CALCR: variants seen among roughly 807,000 people sequenced by gnomAD.
CALCR encodes calcitonin receptor.
In CALCR, 47 loss-of-function variants were observed where a neutral mutation model predicts 59.5. That is an observed-to-expected ratio of 0.79 (90% confidence interval 0.63 to 1.01). The LOEUF (loss-of-function observed/expected upper bound fraction) is 1.01. Ranked by LOEUF, CALCR falls within the 50% of genes least tolerant of loss-of-function variation. The pLI, the probability that CALCR is intolerant of heterozygous loss-of-function variation, is 0.00. For synonymous variants in CALCR, 213 were observed against 211.3 expected (o/e 1.01, Z -0.07); for missense variants, 566 against 597.1 (o/e 0.95, Z 0.54).
rs755193948 is a variant in CALCR at position 93,477,596 on chromosome 7, T to C, written c.278A>G (p.Gln93Arg). Residue 93 changes from glutamine to arginine, a missense_variant, in exon 5 of 14, where the codon CAG (glutamine) becomes CGG (arginine). By Grantham distance (43) the Gln-to-Arg change is conservative. Transcript: ENST00000426151. ...ATCCGGAAAATAATCTGGGCAGAAC[T>C]GATAGGACAATACTCCAGCCGGTGT... ...DDTPAGVLSY[Q>R]FCPDYFPDFD... 6 of 1,611,400 alleles carry C rather than the reference T, an allele frequency of 3.7e-6. No homozygotes were observed. The South Asian group carries it at 5.5e-5, about 15-fold the overall frequency.
At chr7:93,566,529 G>A (rs983193981) in intron 2 of CALCR, among the ~76,000 whole-genome samples, 7 of 152,086 alleles carry the variant, frequency 4.6e-5, no homozygotes, top group African/African-American at 9.7e-5. Flanking sequence ...ATAAAGAAAC[G>A]TCTAAGTCGC....
At chr7:93,484,550 G>GT (rs1377287414) in intron 3 of CALCR, among the ~76,000 whole-genome samples, 1 of 151,760 alleles carries the variant, frequency 6.6e-6, no homozygotes, top group Admixed American at 6.6e-5. Flanking sequence ...TTGCTTTTCA[G>GT]TTACTTACAC....
intron 2 of CALCR, among the ~76,000 whole-genome samples, chr7:93,489,022 T>A (rs983383000): frequency 1.3e-5 from 2 of 151,490 alleles, no homozygotes; most frequent in Non-Finnish European, 3.0e-5. Context: ...AAGTAAAACA[T>A]TCCTCAGCAA....
At chr7:93,448,198 A>G (rs1284709093) in intron 8 of CALCR, among the ~76,000 whole-genome samples, 1 of 152,020 alleles carries the variant, frequency 6.6e-6, no homozygotes, top group Non-Finnish European at 1.5e-5. Context: ...TCACACACAC[A>G]CACAAAAAAC....
chr7:93,435,990 T>A lies in CALCR; in HGVS notation c.1111A>T (p.Ile371Leu). The change falls in exon 12 of 14, where the codon ATA becomes TTA. Residue 371 changes from isoleucine to leucine, a missense_variant. Ile to Leu is a conservative substitution (Grantham distance 5). Transcript: ENST00000426151. ...WRPSNKMLGK[I>L]YDYVMHSLIH... ...AGAGAGTGCATCACGTAATCATATA[T>A]CTTCCCAAGCATCTTGTTGGAAGGT... The A allele has an allele frequency of 6.2e-7, 1 of 1,613,370 alleles. No individual in the cohort carries two copies. The highest frequency in any genetic ancestry group is 8.5e-7 in the Non-Finnish European group (1 of 1,179,386).
At position 93,460,744 on chromosome 7, in the gene CALCR, C is replaced by T. The variant is rs1189887358; in HGVS notation, c.648+77G>A. ...CATGTAAACAGCTGCTTAAGTCCAACATGAACACCATGTTCACTATTTACA... is the reference window on the plus strand; with the variant it reads ...CATGTAAACAGCTGCTTAAGTCCAATATGAACACCATGTTCACTATTTACA... On this transcript the variant is annotated intron_variant, in intron 8 of 13. Coordinates refer to ENST00000426151, the MANE Select transcript of CALCR (RefSeq NM_001742.4). 5.4e-6 allele frequency: 6 copies of T among 1,113,534 alleles called. No individual in the cohort carries two copies. In the African/African-American group the frequency reaches 9.9e-5, roughly 18 times the overall value. 69.0% of individuals were successfully genotyped at this position (1,113,534 alleles called of 1,614,324 possible).
chr7:93,502,745 C>T (rs1178813557), intron 2 of CALCR, among the ~76,000 whole-genome samples: 5 of 151,976 alleles, frequency 3.3e-5, no homozygotes, highest in Non-Finnish European at 7.4e-5. Context: ...CACACCGATA[C>T]TAATGGAATA....
At chr7:93,545,384 T>C (rs1461395176) in intron 2 of CALCR, among the ~76,000 whole-genome samples, 2 of 152,160 alleles carry the variant, frequency 1.3e-5, no homozygotes, top group Non-Finnish European at 2.9e-5. Context: ...TGCCTCTAGA[T>C]AGACAGGCTC....
At chr7:93,529,322 T>C (rs888471378) in intron 2 of CALCR, among the ~76,000 whole-genome samples, 1 of 152,100 alleles carries the variant, frequency 6.6e-6, no homozygotes, top group East Asian at 1.9e-4. Context: ...CCGTGTAAGA[T>C]ACCTGCACCC....
At position 93,504,456 on chromosome 7, in the gene CALCR, T is replaced by C. The variant is rs1469150359; in HGVS notation, c.-26-17449A>G. 2.6e-5 allele frequency among the ~76,000 whole-genome samples: 4 copies of C among 152,312 alleles called. No individual in the cohort carries two copies. In the East Asian group the frequency reaches 5.8e-4, roughly 22 times the overall value. On this transcript the variant is annotated intron_variant, in intron 2 of 13. Transcript: ENST00000426151. Reference sequence around the variant, plus strand: ...GTGCTCAATGAATTCTGGTAGAAATTCTTTAACCATGTATTATTTCCTCTG... The same window carrying C: ...GTGCTCAATGAATTCTGGTAGAAATCCTTTAACCATGTATTATTTCCTCTG...
At chr7:93,458,994 A>C (rs1800263783) in intron 8 of CALCR, among the ~76,000 whole-genome samples, 1 of 152,226 alleles carries the variant, frequency 6.6e-6, no homozygotes, top group Non-Finnish European at 1.5e-5. Flanking sequence ...AAAATTAAGG[A>C]AAGCAGGTTT....
intron 6 of CALCR, among the ~76,000 whole-genome samples, chr7:93,469,074 C>T (rs1420612945): frequency 6.6e-6 from 1 of 151,710 alleles, no homozygotes; most frequent in Non-Finnish European, 1.5e-5. Context: ...GCTTTAAATG[C>T]ATTAAAAATT....
At chr7:93,530,021 G>T (rs1048541756) in intron 2 of CALCR, among the ~76,000 whole-genome samples, 7 of 151,930 alleles carry the variant, frequency 4.6e-5, no homozygotes, top group Non-Finnish European at 1.0e-4. Flanking sequence ...GATCTCTCAG[G>T]TAAATTGGTT....
At chr7:93,552,166 T>C (rs778617099) in intron 2 of CALCR, among the ~76,000 whole-genome samples, 11 of 152,188 alleles carry the variant, frequency 7.2e-5, no homozygotes, top group Non-Finnish European at 1.2e-4. Flanking sequence ...TTGGGCATTG[T>C]TCATTAGCCC....
intron 2 of CALCR, among the ~76,000 whole-genome samples, chr7:93,504,868 G>A (rs942724063): frequency 3.9e-5 from 6 of 152,010 alleles, no homozygotes; most frequent in Non-Finnish European, 4.4e-5. Context: ...TAAAGCAGAC[G>A]CACCCATACA....
chr7:93,516,583 A>T (rs930735824), intron 2 of CALCR, among the ~76,000 whole-genome samples: 1 of 151,864 alleles, frequency 6.6e-6, no homozygotes, highest in Non-Finnish European at 1.5e-5. Context: ...TAGAATAAAA[A>T]ACAAACAAAA....
intron 3 of CALCR, among the ~76,000 whole-genome samples, chr7:93,483,740 A>G (rs1268056540): frequency 1.3e-5 from 2 of 151,696 alleles, no homozygotes; most frequent in African/African-American, 2.4e-5. Flanking sequence ...CCTACTTATT[A>G]TAAGTGTTAT....
intron 6 of CALCR, among the ~76,000 whole-genome samples, chr7:93,471,315 C>G (rs1302900869): frequency 1.3e-5 from 2 of 151,734 alleles, no homozygotes; most frequent in African/African-American, 4.8e-5. Flanking sequence ...TAACAGCTCT[C>G]CATTAGGGTG....
Position 93,568,188 on chromosome 7 carries a change from A to G in CALCR, c.-27+6101T>C, listed in dbSNP as rs77072187. 4.7e-3 allele frequency among the ~76,000 whole-genome samples: 712 copies of G among 152,284 alleles called. 4 individuals carry two copies. Among genetic ancestry groups the G allele is most frequent in the African/African-American group, 0.016 (672 of 41,562 alleles). ...GATATCAATCATGATGTGATATGAC[A>G]TCTTTGTTGGGGGGATTAAACGCTG... On this transcript the variant is annotated intron_variant, in intron 2 of 13. Transcript: ENST00000426151.
Sources: allele counts gnomAD v4.1 joint callset (sites outside exome capture counted in the v4.1 genomes callset), GRCh38; gene constraint gnomAD v4.1.1; transcripts MANE v1.5; gene names NCBI Gene and HGNC (gene_info 2026-07-23, HGNC 2026-07-21).